Variants in STXBP5L observed in about 807,000 individuals in gnomAD.
The protein encoded by STXBP5L is syntaxin binding protein 5L, also known as syntaxin-binding protein 5-like.
Under a neutral mutation model 144.5 loss-of-function variants are expected in STXBP5L, and 65 were observed. The observed-to-expected ratio is 0.45, with a 90% confidence interval of 0.37 to 0.55. The LOEUF (loss-of-function observed/expected upper bound fraction) is 0.55, where lower values mean the gene tolerates loss of function less well. STXBP5L is among the 20% of genes least tolerant of loss of function. STXBP5L has a pLI of 0.00. For missense variants in STXBP5L, 1,298 were observed against 1,405.5 expected, an observed-to-expected ratio of 0.92 and a Z score of 1.22; for synonymous variants, 505 against 469.6, an observed-to-expected ratio of 1.08 and a Z score of -0.97.
chr3:121,162,644 T>C (rs1372698252), intron 9 of STXBP5L, among the ~76,000 whole-genome samples: 1 of 152,062 alleles, frequency 6.6e-6, no homozygotes, highest in Non-Finnish European at 1.5e-5. Flanking sequence ...ACCCACAGAA[T>C]GGGAGAAAAT....
At chr3:121,085,424 A>G (rs1430906224) in intron 5 of STXBP5L, among the ~76,000 whole-genome samples, 3 of 152,166 alleles carry the variant, frequency 2.0e-5, no homozygotes, top group Admixed American at 6.5e-5. Flanking sequence ...AGAAAACCCT[A>G]TAGCCTCAGC....
At chr3:120,931,645 T>C (rs565301503) in intron 2 of STXBP5L, among the ~76,000 whole-genome samples, 2 of 152,328 alleles carry the variant, frequency 1.3e-5, no homozygotes, top group South Asian at 4.1e-4. Context: ...TAAGCAGGTA[T>C]GCTTTAAGAA....
intron 5 of STXBP5L, among the ~76,000 whole-genome samples, chr3:121,086,483 A>G (rs1053349921): frequency 4.6e-5 from 7 of 152,092 alleles, no homozygotes; most frequent in Non-Finnish European, 1.0e-4. Context: ...TAGATACACA[A>G]ATGTTTACCA....
At chr3:121,015,194 A>T (rs1426985584) in intron 3 of STXBP5L, among the ~76,000 whole-genome samples, 1 of 152,178 alleles carries the variant, frequency 6.6e-6, no homozygotes, top group African/African-American at 2.4e-5. Context: ...CTCTTTAACA[A>T]AATAGCAAGA....
At chr3:121,284,905 A>G (rs1284705390) in intron 19 of STXBP5L, among the ~76,000 whole-genome samples, 1 of 152,100 alleles carries the variant, frequency 6.6e-6, no homozygotes, top group Non-Finnish European at 1.5e-5. Flanking sequence ...AATGATTGAT[A>G]TTGTATATTA....
chr3:120,928,062 G>A (rs1378279442), intron 2 of STXBP5L, among the ~76,000 whole-genome samples: 1 of 152,054 alleles, frequency 6.6e-6, no homozygotes, highest in Non-Finnish European at 1.5e-5. Flanking sequence ...AGATCAGGGA[G>A]GGAAGTATGT....
intron 19 of STXBP5L, among the ~76,000 whole-genome samples, chr3:121,312,944 T>A (rs2043596466): frequency 6.6e-6 from 1 of 152,206 alleles, no homozygotes; most frequent in Non-Finnish European, 1.5e-5. Context: ...ACCGCCATTG[T>A]CATCATGGCC....
rs187238020 is a variant in STXBP5L, at chr3:121,013,619, A to G, written c.288-28081A>G. Among the ~76,000 whole-genome samples, 15 of 151,724 alleles carry G rather than the reference A, an allele frequency of 9.9e-5. No individual in the cohort carries two copies. In the East Asian group the frequency reaches 2.1e-3, roughly 22 times the overall value. The stretch of plus-strand genomic sequence containing the variant: ...AATATTTTCTCCCATTCTGTAGGTC[A>G]TTTGTTTACTCTGTTGATAGTTTCT... On this transcript the variant is annotated intron_variant, in intron 3 of 26. Transcript: ENST00000471454.
chr3:121,202,389 A>G (rs534289426), intron 9 of STXBP5L, among the ~76,000 whole-genome samples: 2 of 152,282 alleles, frequency 1.3e-5, no homozygotes, highest in East Asian at 1.9e-4. Flanking sequence ...ATACAATTAT[A>G]TACATATTGT....
At chr3:121,313,400 C>A (rs1267870521) in intron 19 of STXBP5L, among the ~76,000 whole-genome samples, 9 of 123,188 alleles carry the variant, frequency 7.3e-5, no homozygotes, top group African/African-American at 2.9e-4. Context: ...GGCTGACCCC[C>A]CACCTCCCTC....
In STXBP5L at chr3:121,024,405, T is replaced by C. The variant is rs143286688; in HGVS notation, c.288-17295T>C. 2.5e-3 allele frequency among the ~76,000 whole-genome samples: 386 copies of C among 152,226 alleles called. 4 individuals are homozygous for C. The highest frequency in any genetic ancestry group is 8.7e-3 in the African/African-American group (360 of 41,554). The stretch of plus-strand genomic sequence containing the variant: ...TTAGTCCTACCACTAAGGTAAAATC[T>C]TTTTGGGGTTACTACTGAATGCCTC... On this transcript the variant is annotated intron_variant, in intron 3 of 26. Coordinates refer to ENST00000471454, the MANE Select transcript of STXBP5L (RefSeq NM_001308330.2).
intron 2 of STXBP5L, among the ~76,000 whole-genome samples, chr3:120,932,748 G>T (rs928109604): frequency 6.6e-6 from 1 of 151,972 alleles, no homozygotes; most frequent in Non-Finnish European, 1.5e-5. Context: ...ACATGCACAC[G>T]TATGTTTATT....
chr3:121,154,098 AAG>A (rs1490179693), intron 8 of STXBP5L, among the ~76,000 whole-genome samples: 5 of 151,856 alleles, frequency 3.3e-5, no homozygotes, highest in Non-Finnish European at 5.9e-5. Flanking sequence ...GAGCCTTAAA[AAG>A]AGAGTAAAAT....
chr3:121,027,095 A>G (rs1176816172), intron 3 of STXBP5L, among the ~76,000 whole-genome samples: 2 of 151,858 alleles, frequency 1.3e-5, no homozygotes, highest in African/African-American at 4.8e-5. Flanking sequence ...TTATGTGTAT[A>G]TATGTATATA....
intron 2 of STXBP5L, among the ~76,000 whole-genome samples, chr3:120,942,381 T>C (rs978907060): frequency 6.6e-6 from 1 of 151,622 alleles, no homozygotes; most frequent in African/African-American, 2.4e-5. Context: ...GATATATGAA[T>C]ATAATACTGC....
intron 3 of STXBP5L, among the ~76,000 whole-genome samples, chr3:120,999,921 AT>A (rs1943637997): frequency 6.6e-6 from 1 of 152,008 alleles, no homozygotes; most frequent in African/African-American, 2.4e-5. Flanking sequence ...TTCTTTAATG[AT>A]GTTGAATATA....
chr3:121,179,414 C>A (rs1175454671), intron 9 of STXBP5L, among the ~76,000 whole-genome samples: 3 of 151,972 alleles, frequency 2.0e-5, no homozygotes, highest in Non-Finnish European at 4.4e-5. Flanking sequence ...TAATTCTAAG[C>A]AAAAAATACC....
intron 9 of STXBP5L, 136 bp downstream of exon 9, chr3:121,157,763 C>T: frequency 8.6e-7 from 1 of 1,159,452 alleles, no homozygotes; most frequent in South Asian, 1.6e-5. Flanking sequence ...CCCTTTTATA[C>T]CACCTACAGA....
chr3:120,938,033 T>C (rs1235295096), intron 2 of STXBP5L, among the ~76,000 whole-genome samples: 1 of 152,064 alleles, frequency 6.6e-6, no homozygotes, highest in Non-Finnish European at 1.5e-5. Context: ...TTACAAGTAA[T>C]GTATCTTCCA....
Sources: allele counts gnomAD v4.1 joint callset (sites outside exome capture counted in the v4.1 genomes callset), GRCh38; gene constraint gnomAD v4.1.1; transcripts MANE v1.5; gene names NCBI Gene and HGNC (gene_info 2026-07-23, HGNC 2026-07-21).